TPD52: variants seen among roughly 807,000 people sequenced by gnomAD.
TPD52 encodes prostate and colon associated protein.
Under a neutral mutation model 31.3 loss-of-function variants are expected in TPD52, and 17 were observed. The observed-to-expected ratio is 0.54, with a 90% CI of 0.37 to 0.82. TPD52 has a LOEUF of 0.82. Among genes scored for constraint, TPD52 ranks in the 40% least tolerant of loss-of-function variants. TPD52 has a pLI of 0.00. For synonymous variants in TPD52, 83 were observed against 89.6 expected, an observed-to-expected ratio of 0.93 and a Z score of 0.42; for missense variants, 212 against 240.1, an observed-to-expected ratio of 0.88 and a Z score of 0.77.
intron 1 of TPD52, among the ~76,000 whole-genome samples, chr8:80,110,960 C>A (rs1563633909): frequency 6.6e-6 from 1 of 152,202 alleles, no homozygotes; most frequent in Non-Finnish European, 1.5e-5. Context: ...AATTCCAACA[C>A]TTTGGGAGGG....
At chr8:80,132,907 T>C (rs1809123316) in intron 1 of TPD52, among the ~76,000 whole-genome samples, 1 of 152,174 alleles carries the variant, frequency 6.6e-6, no homozygotes, top group African/African-American at 2.4e-5. Flanking sequence ...ACCTGGAGTT[T>C]AGTTACCCTC....
intron 6 of TPD52, among the ~76,000 whole-genome samples, chr8:80,043,428 C>T (rs1490900867): frequency 6.6e-6 from 1 of 152,088 alleles, no homozygotes; most frequent in East Asian, 1.9e-4. Flanking sequence ...ATGAAAAATG[C>T]AAAGAAAGGA....
At chr8:80,069,606 C>T (rs1011631268) in intron 1 of TPD52, among the ~76,000 whole-genome samples, 14 of 151,994 alleles carry the variant, frequency 9.2e-5, no homozygotes, top group East Asian at 1.9e-4. Flanking sequence ...GCCTGGGCAA[C>T]GTGGTGAAAC....
chr8:80,110,165 T>C (rs899348302), intron 1 of TPD52, among the ~76,000 whole-genome samples: 1 of 152,238 alleles, frequency 6.6e-6, no homozygotes, highest in South Asian at 2.1e-4. Context: ...GCTTTGTTTT[T>C]CTTTTGCTTC....
intron 1 of TPD52, 71 bp downstream of exon 1, chr8:80,171,354 C>A: frequency 6.3e-7 from 1 of 1,575,554 alleles, no homozygotes; most frequent in South Asian, 1.1e-5. Flanking sequence ...CTCAGCCCCG[C>A]GCCGAGCCAA....
intron 3 of TPD52, 106 bp downstream of exon 3, chr8:80,053,176 A>G: frequency 7.8e-7 from 1 of 1,289,536 alleles, no homozygotes. Flanking sequence ...CGTCCAAAGA[A>G]AAGCTGCTGA....
chr8:80,101,862 A>G (rs1806768469), intron 1 of TPD52, among the ~76,000 whole-genome samples: 1 of 152,198 alleles, frequency 6.6e-6, no homozygotes, highest in Non-Finnish European at 1.5e-5. Context: ...TCACATTCCA[A>G]CATGAGATTT....
At chr8:80,045,427 C>T (rs114630551) in intron 5 of TPD52, among the ~76,000 whole-genome samples, 1,954 of 152,240 alleles carry the variant, frequency 0.013, 56 homozygotes, top group African/African-American at 0.043. Flanking sequence ...CAGTGGCCTA[C>T]AAATTGTTTG....
At chr8:80,040,672 G>A (rs1267194606) in intron 7 of TPD52, among the ~76,000 whole-genome samples, 1 of 152,062 alleles carries the variant, frequency 6.6e-6, no homozygotes, top group Non-Finnish European at 1.5e-5. Flanking sequence ...TTTCCAATTT[G>A]CCATTTCAAA....
rs1306163761 is a variant in TPD52, at chr8:80,036,180, G to C, written c.*1936C>G. ...TCTATCACTTTTCCCTTTTTGGGCA[G>C]AAAAGAGACTTGAGGGTATTTCACT... On this transcript the variant is annotated 3_prime_UTR_variant, in exon 8 of 8. Coordinates refer to ENST00000518937, the MANE Select transcript of TPD52 (RefSeq NM_001025253.3). 2 of 152,168 alleles carry C rather than the reference G, an allele frequency of 1.3e-5. No homozygotes were observed. The highest frequency in any genetic ancestry group is 2.9e-5 in the Non-Finnish European group (2 of 68,034). 9.4% of individuals were successfully genotyped at this position (152,168 alleles called of 1,614,324 possible). A position where few individuals can be genotyped will look rare whatever the true frequency, so the allele number is the denominator to read the frequency against.
At chr8:80,093,630 C>A (rs944155532) in intron 1 of TPD52, among the ~76,000 whole-genome samples, 2 of 152,156 alleles carry the variant, frequency 1.3e-5, no homozygotes, top group Non-Finnish European at 1.5e-5. Context: ...AATACCAAGT[C>A]ATACATTTAG....
At chr8:80,052,072 G>GT (rs1251253858) in intron 3 of TPD52, among the ~76,000 whole-genome samples, 6 of 152,264 alleles carry the variant, frequency 3.9e-5, no homozygotes, top group Middle Eastern at 3.4e-3. Flanking sequence ...AGTAGCTGGC[G>GT]TAAGTAGGAC....
chr8:80,127,825 CACACACACACACAG>C (rs57401547), intron 1 of TPD52, among the ~76,000 whole-genome samples: 24,463 of 102,226 alleles, frequency 0.24, 2,670 homozygotes, highest in East Asian at 0.6. Context: ...CACACACACA[CACACACACACACAG>C]AGATACATAA....
At chr8:80,098,756 T>A (rs1224445889) in intron 1 of TPD52, among the ~76,000 whole-genome samples, 1 of 152,244 alleles carries the variant, frequency 6.6e-6, no homozygotes, top group African/African-American at 2.4e-5. Context: ...GAGTTTTGAC[T>A]CCAGTTTTGA....
chr8:80,161,627 T>G (rs1021249600), intron 1 of TPD52, among the ~76,000 whole-genome samples: 1 of 152,030 alleles, frequency 6.6e-6, no homozygotes, highest in East Asian at 1.9e-4. Context: ...CACACCACAA[T>G]GCCTCCAAAT....
At chr8:80,124,072 G>A (rs1163670782) in intron 1 of TPD52, among the ~76,000 whole-genome samples, 1 of 152,024 alleles carries the variant, frequency 6.6e-6, no homozygotes, top group East Asian at 1.9e-4. Context: ...CCTCTTTGGA[G>A]AACTGTGCAG....
At chr8:80,149,871 A>G (rs563591972) in intron 1 of TPD52, among the ~76,000 whole-genome samples, 16 of 152,306 alleles carry the variant, frequency 1.1e-4, no homozygotes, top group African/African-American at 3.8e-4. Context: ...AGTTTGGAAA[A>G]TTTGCAGTAG....
At chr8:80,165,132 T>A (rs573698015) in intron 1 of TPD52, among the ~76,000 whole-genome samples, 150 of 152,224 alleles carry the variant, frequency 9.9e-4, no homozygotes, top group Non-Finnish European at 1.9e-3. Context: ...TAAACTACCT[T>A]TATATTAAAT....
Sources: gnomAD v4.1 joint callset for allele counts (sites outside exome capture counted in the v4.1 genomes callset) on GRCh38, gnomAD v4.1.1 for gene constraint, MANE v1.5 for transcripts, NCBI Gene and HGNC (gene_info 2026-07-23, HGNC 2026-07-21) for gene names.